OR3A2: variants seen among roughly 807,000 people sequenced by gnomAD.
The protein encoded by OR3A2 is olfactory receptor 3A2.
For synonymous variants in OR3A2, 126 were observed against 159.3 expected, an observed-to-expected ratio of 0.79 and a Z score of 1.57; for missense variants, 318 against 392.8, an observed-to-expected ratio of 0.81 and a Z score of 1.61.
intron 2 of OR3A2, among the ~76,000 whole-genome samples, chr17:3,372,101 C>T (rs2049633034): frequency 6.8e-6 from 1 of 147,206 alleles, no homozygotes; most frequent in Admixed American, 6.7e-5. Context: ...CTCCTCTCTT[C>T]TCAGACGGGG....
At chr17:3,362,724 C>T (rs1470954712) in intron 2 of OR3A2, among the ~76,000 whole-genome samples, 1 of 151,604 alleles carries the variant, frequency 6.6e-6, no homozygotes, top group African/African-American at 2.4e-5. Context: ...CCCCTCAGCA[C>T]TCCACTAGCA....
intron 2 of OR3A2, among the ~76,000 whole-genome samples, chr17:3,345,348 T>C (rs2049353447): frequency 6.6e-6 from 1 of 151,964 alleles, no homozygotes; most frequent in South Asian, 2.1e-4. Flanking sequence ...TTTTAGGACC[T>C]TTTTCTTAAA....
chr17:3,369,633 T>C (rs2049594671), intron 2 of OR3A2, among the ~76,000 whole-genome samples: 1 of 152,210 alleles, frequency 6.6e-6, no homozygotes. Context: ...TTCAGTTAGC[T>C]AGTATTTTGT....
intron 2 of OR3A2, among the ~76,000 whole-genome samples, chr17:3,347,076 T>C (rs1349450918): frequency 6.6e-6 from 1 of 152,140 alleles, no homozygotes; most frequent in South Asian, 2.1e-4. Flanking sequence ...TGCTGGATCA[T>C]AGGATAGCTC....
At chr17:3,344,632 C>A (rs1036912575) in intron 2 of OR3A2, among the ~76,000 whole-genome samples, 3 of 152,140 alleles carry the variant, frequency 2.0e-5, no homozygotes, top group Non-Finnish European at 2.9e-5. Flanking sequence ...TTTCCTTGAC[C>A]ATTCCCCAAA....
intron 1 of OR3A2, among the ~76,000 whole-genome samples, chr17:3,283,128 GTCTGTC>G (rs1326185321): frequency 6.6e-6 from 1 of 152,134 alleles, no homozygotes; most frequent in Non-Finnish European, 1.5e-5. Flanking sequence ...TCTTTATAGA[GTCTGTC>G]TCTGTAAGTG....
At chr17:3,331,380 A>G (rs1272233256) in intron 3 of OR3A2, among the ~76,000 whole-genome samples, 3 of 152,020 alleles carry the variant, frequency 2.0e-5, no homozygotes, top group Admixed American at 6.5e-5. Flanking sequence ...GTCTTTTCAC[A>G]TAGTCCCATA....
chr17:3,346,369 T>G (rs1238660084), intron 2 of OR3A2, among the ~76,000 whole-genome samples: 1 of 152,124 alleles, frequency 6.6e-6, no homozygotes, highest in Non-Finnish European at 1.5e-5. Flanking sequence ...TGACCCAAGT[T>G]GATCCAACCA....
rs763044196 is a variant in OR3A2 at position 3,311,129 on chromosome 17, G to A, written c.-85+24904C>T. On this transcript the variant is annotated intron_variant, in intron 3 of 4. Transcript: ENST00000573491. This position sits in a 1 kb window ranked among gnomAD's most constrained non-coding sequence, Gnocchi z 4.6. ...TGGGTTCAGTGGAGTCTTCGGACAA[G>A]GACAAGGGCATTGGCATCCTCAACA... The A allele has an allele frequency of 1.8e-6, 1 of 541,106 alleles. No homozygotes were observed. Among genetic ancestry groups the A allele is most frequent in the Non-Finnish European group, 3.8e-6 (1 of 264,276 alleles). The allele number at this position is 541,106 out of a possible 1,614,324, so 33.5% of individuals were successfully genotyped here.
At chr17:3,318,335 C>T (rs2049093328) in intron 3 of OR3A2, among the ~76,000 whole-genome samples, 5 of 152,128 alleles carry the variant, frequency 3.3e-5, no homozygotes, top group Admixed American at 3.3e-4. Context: ...GAAACTGGGA[C>T]CTTAGAGAGT....
chr17:3,331,858 T>G (rs7223789), intron 3 of OR3A2, among the ~76,000 whole-genome samples: 15,991 of 143,518 alleles, frequency 0.11, 1,155 homozygotes, highest in African/African-American at 0.2. Flanking sequence ...ATCTACTTTT[T>G]GTCTTTGATG....
chr17:3,364,292 T>C (rs2049544676), intron 2 of OR3A2, among the ~76,000 whole-genome samples: 1 of 152,244 alleles, frequency 6.6e-6, no homozygotes, highest in Non-Finnish European at 1.5e-5. Context: ...CATTATGGAA[T>C]GATCAAATCA....
intron 2 of OR3A2, among the ~76,000 whole-genome samples, chr17:3,372,872 G>GGAGAGGGAGAGGGAGAGC: frequency 2.1e-5 from 1 of 47,174 alleles, no homozygotes; most frequent in Admixed American, 2.1e-4. Flanking sequence ...AGAGGGAGAG[G>GGAGAGGGAGAGGGAGAGC]GAGAGGGAGA....
chr17:3,360,451 G>A (rs2049503011), intron 2 of OR3A2, among the ~76,000 whole-genome samples: 1 of 151,712 alleles, frequency 6.6e-6, no homozygotes, highest in South Asian at 2.1e-4. Flanking sequence ...TTTGGCTTTT[G>A]TTGCCATTGC....
At chr17:3,350,212 A>G (rs1366752691) in intron 2 of OR3A2, among the ~76,000 whole-genome samples, 1 of 152,076 alleles carries the variant, frequency 6.6e-6, no homozygotes, top group Non-Finnish European at 1.5e-5. Context: ...TAGAGACACA[A>G]AAAACCCTTC....
At chr17:3,321,908 G>A (rs945351925) in intron 3 of OR3A2, among the ~76,000 whole-genome samples, 5 of 152,128 alleles carry the variant, frequency 3.3e-5, no homozygotes, top group African/African-American at 1.2e-4. Flanking sequence ...ATGAATTAGG[G>A]TGGATTCCCT....
At chr17:3,336,722 C>A (rs1257134439) in intron 2 of OR3A2, among the ~76,000 whole-genome samples, 2 of 152,164 alleles carry the variant, frequency 1.3e-5, no homozygotes, top group South Asian at 2.1e-4. Flanking sequence ...TGCGCTCATA[C>A]CTGAGATGTC....
At chr17:3,371,796 T>G (rs1371778559) in intron 2 of OR3A2, among the ~76,000 whole-genome samples, 1 of 117,290 alleles carries the variant, frequency 8.5e-6, no homozygotes, top group Non-Finnish European at 1.8e-5. Flanking sequence ...CCTCACCTCC[T>G]GGCCGGGGCG....
At chr17:3,306,227 A>T (rs993437681) in intron 3 of OR3A2, among the ~76,000 whole-genome samples, 1 of 152,048 alleles carries the variant, frequency 6.6e-6, no homozygotes, top group African/African-American at 2.4e-5. Context: ...TCATAGCTCA[A>T]CGCAGCCTCA....
Sources: allele counts gnomAD v4.1 joint callset (sites outside exome capture counted in the v4.1 genomes callset), GRCh38; gene constraint gnomAD v4.1.1; non-coding constraint Gnocchi (gnomAD v3.1); transcripts MANE v1.5; gene names NCBI Gene and HGNC (gene_info 2026-07-23, HGNC 2026-07-21).